The following KCNAB1 variants were observed in gnomAD, a reference collection of about 807,000 sequenced individuals.
KCNAB1 encodes the protein potassium voltage-gated channel subfamily A regulatory beta subunit 1.
A neutral mutation model predicts 64.6 loss-of-function variants in KCNAB1; 35 were observed. The observed-to-expected ratio is 0.54, with a 90% CI of 0.41 to 0.72. The LOEUF is 0.72. Among genes scored for constraint, KCNAB1 ranks in the 30% least tolerant of loss-of-function variants. The pLI is 0.00. For missense variants in KCNAB1, 401 were observed against 512.9 expected, an observed-to-expected ratio of 0.78 and a Z score of 2.11; for synonymous variants, 177 against 183.8, an observed-to-expected ratio of 0.96 and a Z score of 0.30.
chr3:156,419,132 G>A (rs918184863), intron 1 of KCNAB1, among the ~76,000 whole-genome samples: 1 of 152,166 alleles, frequency 6.6e-6, no homozygotes. Flanking sequence ...AAATAGGACT[G>A]CCATCAGGAA....
intron 1 of KCNAB1, among the ~76,000 whole-genome samples, chr3:156,315,307 G>A (rs1340171347): frequency 7.1e-6 from 1 of 140,342 alleles, no homozygotes; most frequent in African/African-American, 3.3e-5. Flanking sequence ...GGAGTACTGG[G>A]GTATAGGCTA....
intron 1 of KCNAB1, among the ~76,000 whole-genome samples, chr3:156,339,389 TGCC>T (rs1723946522): frequency 1.3e-5 from 2 of 152,136 alleles, no homozygotes; most frequent in African/African-American, 4.8e-5. Context: ...CAAATTTAAG[TGCC>T]TACTCTGTGT....
intron 2 of KCNAB1, among the ~76,000 whole-genome samples, chr3:156,431,233 G>C (rs1462332970): frequency 6.6e-6 from 1 of 152,176 alleles, no homozygotes; most frequent in Non-Finnish European, 1.5e-5. Flanking sequence ...GGCACATCTT[G>C]TGTATATACA....
At chr3:156,451,761 C>A (rs141296666) in intron 2 of KCNAB1, among the ~76,000 whole-genome samples, 1 of 152,274 alleles carries the variant, frequency 6.6e-6, no homozygotes, top group African/African-American at 2.4e-5. Context: ...TAGGCCCCTG[C>A]TCATCAGCAC....
At chr3:156,222,222 G>C (rs146522727) in intron 1 of KCNAB1, among the ~76,000 whole-genome samples, 4 of 152,150 alleles carry the variant, frequency 2.6e-5, no homozygotes, top group African/African-American at 4.8e-5. Context: ...TAAGGTAAAG[G>C]GGGGCGGGAA....
At chr3:156,486,000 C>CATTGCTGG (rs1241828594) in intron 8 of KCNAB1, among the ~76,000 whole-genome samples, 1 of 152,058 alleles carries the variant, frequency 6.6e-6, no homozygotes, top group Non-Finnish European at 1.5e-5. Context: ...TGCTGCATCC[C>CATTGCTGG]ATTGCTGGTC....
chr3:156,436,523 A>T (rs1312937973), intron 2 of KCNAB1, among the ~76,000 whole-genome samples: 1 of 152,196 alleles, frequency 6.6e-6, no homozygotes, highest in Non-Finnish European at 1.5e-5. Flanking sequence ...ACTAATTTGC[A>T]TTCCCACCAA....
intron 1 of KCNAB1, among the ~76,000 whole-genome samples, chr3:156,156,144 C>T (rs548907829): frequency 1.3e-4 from 20 of 152,302 alleles, no homozygotes; most frequent in East Asian, 1.2e-3. Flanking sequence ...CTCGTAGGGC[C>T]TTAGGCCCCC....
intron 1 of KCNAB1, among the ~76,000 whole-genome samples, chr3:156,133,207 A>G (rs1714104657): frequency 6.6e-6 from 1 of 152,182 alleles, no homozygotes; most frequent in South Asian, 2.1e-4. Context: ...CACAAGTGGG[A>G]TGTGTTAGAA....
chr3:156,304,411 CA>C (rs1721351998), intron 1 of KCNAB1, among the ~76,000 whole-genome samples: 1 of 152,168 alleles, frequency 6.6e-6, no homozygotes, highest in Non-Finnish European at 1.5e-5. Flanking sequence ...GCAACTGAGG[CA>C]CAACATAAAC....
rs755806466 is a variant in KCNAB1 at position 156,185,712 on chromosome 3, C to G, written c.275+64826C>G. On this transcript the variant is annotated intron_variant, in intron 1 of 13. Transcript: ENST00000490337. ...GGTTTGTACAGATTTCCCTCAGCCC[C>G]AACTTCCCATCCTCGATGATAGGAG... 9.2e-5 allele frequency among the ~76,000 whole-genome samples: 14 copies of G among 152,184 alleles called. No homozygotes were observed. In the South Asian group the frequency reaches 1.0e-3, roughly 11 times the overall value.
chr3:156,177,444 T>G (rs1712462246), intron 1 of KCNAB1, among the ~76,000 whole-genome samples: 1 of 152,178 alleles, frequency 6.6e-6, no homozygotes, highest in African/African-American at 2.4e-5. Flanking sequence ...CGGCGCAATC[T>G]CGGCTCACAG....
intron 2 of KCNAB1, among the ~76,000 whole-genome samples, chr3:156,447,244 A>T (rs1711632632): frequency 6.6e-6 from 1 of 152,220 alleles, no homozygotes; most frequent in African/African-American, 2.4e-5. Context: ...AACATTCATC[A>T]GTCAACATTA....
chr3:156,291,673 G>C, intron 1 of KCNAB1: 10 of 1,398,990 alleles, frequency 7.1e-6, no homozygotes, highest in Non-Finnish European at 9.3e-6. Flanking sequence ...ACAACTTCGG[G>C]GCCGTCTGTT....
chr3:156,342,374 G>A (rs185244118), intron 1 of KCNAB1, among the ~76,000 whole-genome samples: 1 of 152,118 alleles, frequency 6.6e-6, no homozygotes, highest in Non-Finnish European at 1.5e-5. Context: ...ATTTCTTCAC[G>A]TGGGGTCTCC....
intron 2 of KCNAB1, among the ~76,000 whole-genome samples, chr3:156,433,823 G>A (rs1716397808): frequency 6.6e-6 from 1 of 152,154 alleles, no homozygotes; most frequent in Non-Finnish European, 1.5e-5. Context: ...TGGGCTAGAG[G>A]CTTCCTACAA....
intron 1 of KCNAB1, chr3:156,143,550 C>A: frequency 2.2e-6 from 1 of 463,620 alleles, no homozygotes; most frequent in Non-Finnish European, 3.5e-6. Context: ...AGTGAGCCCT[C>A]TTCTTGGGTT....
chr3:156,437,069 AT>A (rs934607403), intron 2 of KCNAB1, among the ~76,000 whole-genome samples: 2 of 151,814 alleles, frequency 1.3e-5, no homozygotes, highest in Admixed American at 6.6e-5. Context: ...TGTCTTGCAT[AT>A]TTTTTTTAAA....
rs112624523 is a variant in KCNAB1, at chr3:156,463,899, G to A, written c.527+153G>A. 3.2e-3 allele frequency among the ~76,000 whole-genome samples: 486 copies of A among 151,492 alleles called. 2 individuals carry two copies. Among genetic ancestry groups the A allele is most frequent in the African/African-American group, 0.011 (450 of 41,270 alleles). On this transcript the variant is annotated intron_variant, in intron 6 of 13. Coordinates refer to ENST00000490337, the MANE Select transcript of KCNAB1 (RefSeq NM_172160.3). ...GTTTTTTTCTCACACTAAGGAAATA[G>A]CAATTAGCCTAAGATTTCATTTTAG... is the stretch of plus-strand genomic sequence containing the variant.
Sources: gnomAD v4.1 joint callset for allele counts (sites outside exome capture counted in the v4.1 genomes callset) on GRCh38, gnomAD v4.1.1 for gene constraint, MANE v1.5 for transcripts, NCBI Gene and HGNC (gene_info 2026-07-23, HGNC 2026-07-21) for gene names.